The following ITGB5 variants were observed in gnomAD, a reference collection of about 807,000 sequenced individuals.
ITGB5 encodes integrin subunit beta 5.
A neutral mutation model predicts 84.8 loss-of-function variants in ITGB5; 38 were observed. The ratio of observed to expected loss-of-function variants is 0.45; its 90% CI spans 0.35 to 0.59. ITGB5 has a LOEUF of 0.59. Among genes scored for constraint, ITGB5 ranks in the 20% least tolerant of loss-of-function variants. The probability of loss-of-function intolerance (pLI) is 0.01; values close to 1 mark genes in which losing one functional copy is unlikely to be tolerated. For synonymous variants in ITGB5, 393 were observed against 414.4 expected, an observed-to-expected ratio of 0.95 and a Z score of 0.63; for missense variants, 905 against 1,034.5, an observed-to-expected ratio of 0.87 and a Z score of 1.72.
intron 9 of ITGB5, among the ~76,000 whole-genome samples, chr3:124,805,207 G>A (rs1394257792): frequency 6.6e-6 from 1 of 150,900 alleles, no homozygotes; most frequent in Non-Finnish European, 1.5e-5. Context: ...CAGTGTCCCA[G>A]TCATGGCTCA....
chr3:124,764,619 C>G, intron 13 of ITGB5, 62 bp from the exon 14 acceptor site: 1 of 1,519,040 alleles, frequency 6.6e-7, no homozygotes, highest in Non-Finnish European at 9.0e-7. Flanking sequence ...TCTCACGCAA[C>G]TGCAGGCATT....
intron 5 of ITGB5, among the ~76,000 whole-genome samples, chr3:124,837,332 A>G (rs2064949105): frequency 6.6e-6 from 1 of 152,276 alleles, no homozygotes; most frequent in Non-Finnish European, 1.5e-5. Context: ...AGGTCCTGGC[A>G]GAGAAACCAT....
rs1465602498 is a variant in ITGB5 at position 124,887,313 on chromosome 3, T to G, written c.-313A>C. 6.5e-6 allele frequency: 1 copy of G among 153,442 alleles called. No homozygotes were observed. The highest frequency in any genetic ancestry group is 1.4e-5 in the Non-Finnish European group (1 of 69,074). The allele number at this position is 153,442 out of a possible 1,614,324, so 9.5% of individuals were successfully genotyped here. On this transcript the variant is annotated 5_prime_UTR_variant, in exon 1 of 15. Transcript: ENST00000296181. ...CTGGCTCCGCTCGGCGGCCGCGACT[T>G]GGGCTCCGAGACGCGCCCAGCGCCG...
chr3:124,772,546 TATG>T (rs2063861721), intron 11 of ITGB5, among the ~76,000 whole-genome samples: 1 of 152,250 alleles, frequency 6.6e-6, no homozygotes, highest in South Asian at 2.1e-4. Context: ...ACGTTTGTAT[TATG>T]ATTTGTTTCT....
intron 10 of ITGB5, among the ~76,000 whole-genome samples, chr3:124,784,732 A>G (rs1476409069): frequency 6.6e-6 from 1 of 152,258 alleles, no homozygotes; most frequent in Non-Finnish European, 1.5e-5. Context: ...AAACAGAGGT[A>G]CTTCAGGTCA....
At chr3:124,868,989 A>C (rs1341620187) in intron 2 of ITGB5, among the ~76,000 whole-genome samples, 1 of 152,068 alleles carries the variant, frequency 6.6e-6, no homozygotes, top group Non-Finnish European at 1.5e-5. Context: ...GCAGGCATGG[A>C]ATTAGGTTAC....
intron 8 of ITGB5, among the ~76,000 whole-genome samples, chr3:124,813,110 G>A (rs1032966848): frequency 1.2e-4 from 18 of 152,150 alleles, no homozygotes; most frequent in Admixed American, 7.9e-4. Context: ...CTGCTGCCCC[G>A]GCACACCCCA....
chr3:124,861,509 C>CA (rs1363876013), intron 2 of ITGB5, among the ~76,000 whole-genome samples: 1 of 145,530 alleles, frequency 6.9e-6, no homozygotes, highest in Non-Finnish European at 1.5e-5. Flanking sequence ...CACACACACA[C>CA]ACACACACAC....
At chr3:124,900,168 T>A (rs925676835) in intron 1 of ITGB5, among the ~76,000 whole-genome samples, 3 of 152,200 alleles carry the variant, frequency 2.0e-5, no homozygotes, top group Non-Finnish European at 4.4e-5. Context: ...CTGTTAATAC[T>A]TTAACATTAA....
At chr3:124,874,605 TAC>T (rs1204363472) in intron 1 of ITGB5, among the ~76,000 whole-genome samples, 8 of 152,180 alleles carry the variant, frequency 5.3e-5, no homozygotes, top group Admixed American at 1.3e-4. Context: ...TTTCAAAATA[TAC>T]TACAAAGCAA....
chr3:124,811,871 C>T (rs76714684), intron 8 of ITGB5, among the ~76,000 whole-genome samples: 35 of 152,258 alleles, frequency 2.3e-4, no homozygotes, highest in East Asian at 5.8e-4. Context: ...TGCACAGGAC[C>T]GGGTGCAGGC....
At chr3:124,782,042 G>A (rs1261465665) in intron 10 of ITGB5, among the ~76,000 whole-genome samples, 5 of 152,134 alleles carry the variant, frequency 3.3e-5, no homozygotes, top group Non-Finnish European at 7.4e-5. Context: ...TGCCTTCTGG[G>A]AAGTTGTAAT....
rs748784158 is a variant in ITGB5, at chr3:124,894,134, C to CTTTTTTT, written c.-255+7125_-255+7131dup. ...TTATAGTAAAAGTTGTGATATTTTT[C>CTTTTTTT]TTTTTTTTTTTTTTTTTTGAGACAG... On this transcript the variant is annotated intron_variant, in intron 1 of 4. Transcript: ENST00000608657. 7.8e-4 allele frequency among the ~76,000 whole-genome samples: 81 copies of CTTTTTTT among 104,336 alleles called. 13 individuals are homozygous for CTTTTTTT. Among genetic ancestry groups the CTTTTTTT allele is most frequent in the East Asian group, 1.6e-3 (5 of 3,090 alleles). 68.4% of individuals were successfully genotyped at this position (104,336 alleles called of 152,430 possible).
Position 124,809,097 on chromosome 3 carries a change from G to A in ITGB5, c.1188C>T (p.Phe396=), listed in dbSNP as rs1327355257. The change falls in exon 9 of 15, where the codon TTC becomes TTT. Residue 396 remains phenylalanine (F), a synonymous_variant. Coordinates refer to ENST00000296181, the MANE Select transcript of ITGB5 (RefSeq NM_002213.5). ...CCCCATCTTGGCAGGTAGCAGTAAA[G>A]AAGAGATTAAGATCCTCAGGCTGAT... ...VWDQPEDLNL[F]FTATCQDGVS... The A allele has an allele frequency of 1.9e-6, 3 of 1,614,098 alleles. No individual in the cohort carries two copies. Among genetic ancestry groups the A allele is most frequent in the Middle Eastern group, 3.3e-4 (2 of 6,062 alleles).
chr3:124,851,095 AC>A (rs1247595496), intron 3 of ITGB5, among the ~76,000 whole-genome samples: 1 of 152,242 alleles, frequency 6.6e-6, no homozygotes, highest in Non-Finnish European at 1.5e-5. Context: ...TAAGAAATTA[AC>A]AGATGGGCAC....
chr3:124,877,137 A>AT (rs34843039), intron 1 of ITGB5, among the ~76,000 whole-genome samples: 39,387 of 126,660 alleles, frequency 0.31, 6,904 homozygotes, highest in South Asian at 0.4. Context: ...CACCTGGCTA[A>AT]TTTTTTTTTT....
intron 9 of ITGB5, among the ~76,000 whole-genome samples, chr3:124,804,719 TG>T (rs1559942358): frequency 6.6e-6 from 1 of 152,182 alleles, no homozygotes; most frequent in African/African-American, 2.4e-5. Context: ...CAGGCTAGAG[TG>T]CAGTGGTGCA....
chr3:124,767,176 G>A (rs2063779477), intron 12 of ITGB5, among the ~76,000 whole-genome samples: 1 of 152,250 alleles, frequency 6.6e-6, no homozygotes, highest in Non-Finnish European at 1.5e-5. Context: ...AGTGGCAATG[G>A]CAATGGGTCC....
chr3:124,884,996 C>T (rs554970956), intron 1 of ITGB5, among the ~76,000 whole-genome samples: 27 of 152,296 alleles, frequency 1.8e-4, no homozygotes, highest in African/African-American at 5.3e-4. Flanking sequence ...CGCAGCCAGG[C>T]GTGGTGGCTC....
Sources: allele counts gnomAD v4.1 joint callset (sites outside exome capture counted in the v4.1 genomes callset), GRCh38; gene constraint gnomAD v4.1.1; transcripts MANE v1.5; gene names NCBI Gene and HGNC (gene_info 2026-07-23, HGNC 2026-07-21).